Variants in MGAT4C observed in about 807,000 individuals in gnomAD.
MGAT4C encodes alpha-1,3-mannosyl-glycoprotein 4-beta-N-acetylglucosaminyltransferase C.
A neutral mutation model predicts 40.1 loss-of-function variants in MGAT4C; 19 were observed. The observed-to-expected ratio is 0.47, with a 90% confidence interval of 0.33 to 0.70. The LOEUF is 0.70. Ranked by LOEUF, MGAT4C falls within the 30% of genes least tolerant of loss-of-function variation. MGAT4C has a pLI of 0.02. For synonymous variants in MGAT4C, 181 were observed against 187.1 expected, an observed-to-expected ratio of 0.97 and a Z score of 0.27; for missense variants, 491 against 563.2, an observed-to-expected ratio of 0.87 and a Z score of 1.30.
At chr12:86,250,135 T>C (rs1165778461) in intron 1 of MGAT4C, among the ~76,000 whole-genome samples, 2 of 152,142 alleles carry the variant, frequency 1.3e-5, no homozygotes, top group African/African-American at 2.4e-5. Flanking sequence ...GTGGAATGAA[T>C]AGATTTTTAG....
intron 4 of MGAT4C, among the ~76,000 whole-genome samples, chr12:85,981,438 A>G (rs1002246522): frequency 6.6e-6 from 1 of 152,160 alleles, no homozygotes; most frequent in Non-Finnish European, 1.5e-5. Context: ...TGATATTGAA[A>G]AAAGCCCCAT....
chr12:86,270,618 C>T (rs943422884), intron 4 of MGAT4C, among the ~76,000 whole-genome samples: 2 of 152,074 alleles, frequency 1.3e-5, no homozygotes, highest in Non-Finnish European at 2.9e-5. Flanking sequence ...AGATTCAATG[C>T]AATCCCCATC....
At chr12:86,473,598 C>G (rs917281971) in intron 2 of MGAT4C, among the ~76,000 whole-genome samples, 2 of 152,064 alleles carry the variant, frequency 1.3e-5, no homozygotes, top group Non-Finnish European at 2.9e-5. Flanking sequence ...CCTTCAAGAG[C>G]CTTGAGAAAC....
At chr12:86,155,005 T>A (rs1366329803) in intron 1 of MGAT4C, among the ~76,000 whole-genome samples, 1 of 152,084 alleles carries the variant, frequency 6.6e-6, no homozygotes, top group Non-Finnish European at 1.5e-5. Context: ...TAGAGAGTAA[T>A]GAGAGAGTGA....
chr12:86,507,648 C>A (rs1414795055), intron 2 of MGAT4C, among the ~76,000 whole-genome samples: 1 of 152,152 alleles, frequency 6.6e-6, no homozygotes, highest in Admixed American at 6.6e-5. Flanking sequence ...AGCAAGAAAT[C>A]AGCTCACTTT....
chr12:86,626,152 A>C (rs559078107), intron 2 of MGAT4C, among the ~76,000 whole-genome samples: 6 of 152,202 alleles, frequency 3.9e-5, no homozygotes, highest in African/African-American at 1.4e-4. Flanking sequence ...CTTGCTGTGA[A>C]GAAGATTTGA....
chr12:86,059,921 A>G (rs573462199), intron 1 of MGAT4C, among the ~76,000 whole-genome samples: 1 of 152,348 alleles, frequency 6.6e-6, no homozygotes, highest in African/African-American at 2.4e-5. Context: ...GGAATAAGAG[A>G]CGAAGATCTT....
Position 85,975,245 on chromosome 12 carries a change from T to G in MGAT4C, c.*4044A>C, listed in dbSNP as rs1883885757. On this transcript the variant is annotated 3_prime_UTR_variant, in exon 5 of 5. Coordinates refer to ENST00000611864, the MANE Select transcript of MGAT4C (RefSeq NM_001351288.2). ...ATATGAAAAGGTAGGCTGAATAACA[T>G]TTTTAAAGGGCAGTAAATTTTATAA... The G allele has an allele frequency of 6.6e-6, 1 of 151,004 alleles. No homozygotes were observed. Among genetic ancestry groups the G allele is most frequent in the Non-Finnish European group, 1.5e-5 (1 of 67,152 alleles). The allele number at this position is 151,004 out of a possible 1,614,324, so 9.4% of individuals were successfully genotyped here. A position where few individuals can be genotyped will look rare whatever the true frequency, so the allele number is the denominator to read the frequency against.
intron 1 of MGAT4C, among the ~76,000 whole-genome samples, chr12:86,755,486 C>T (rs1274667951): frequency 6.6e-6 from 1 of 152,098 alleles, no homozygotes; most frequent in Non-Finnish European, 1.5e-5. Flanking sequence ...AACTGTGGCA[C>T]TCTAATTTTC....
chr12:86,164,597 C>T (rs1295940659), intron 1 of MGAT4C, among the ~76,000 whole-genome samples: 1 of 152,034 alleles, frequency 6.6e-6, no homozygotes, highest in African/African-American at 2.4e-5. Flanking sequence ...GTTTTATGAG[C>T]ACATGTTAGG....
chr12:86,531,605 T>A (rs997696870), intron 2 of MGAT4C, among the ~76,000 whole-genome samples: 7 of 151,952 alleles, frequency 4.6e-5, no homozygotes, highest in African/African-American at 1.7e-4. Context: ...TTGAAGCCAC[T>A]TTTTTTCAGA....
At chr12:86,371,056 T>C (rs987252150) in intron 3 of MGAT4C, among the ~76,000 whole-genome samples, 2 of 152,058 alleles carry the variant, frequency 1.3e-5, no homozygotes, top group African/African-American at 4.8e-5. Context: ...AAATTCATAC[T>C]GAGTCTTACA....
intron 2 of MGAT4C, among the ~76,000 whole-genome samples, chr12:86,002,890 T>A (rs185503267): frequency 4.6e-5 from 7 of 152,174 alleles, no homozygotes; most frequent in Admixed American, 3.9e-4. Context: ...AGCCTCGGAT[T>A]CCTGAGTTCA....
intron 2 of MGAT4C, among the ~76,000 whole-genome samples, chr12:86,035,910 G>T (rs1891195388): frequency 6.7e-6 from 1 of 149,648 alleles, no homozygotes; most frequent in South Asian, 2.1e-4. Flanking sequence ...TATTTCTAAG[G>T]CCTCTGTTCT....
intron 1 of MGAT4C, among the ~76,000 whole-genome samples, chr12:86,750,754 A>C (rs1951221046): frequency 6.6e-6 from 1 of 151,928 alleles, no homozygotes; most frequent in African/African-American, 2.4e-5. Flanking sequence ...GGACATCCTA[A>C]CCTAGGGATA....
chr12:86,434,642 A>G (rs983096299), intron 3 of MGAT4C, among the ~76,000 whole-genome samples: 4 of 151,992 alleles, frequency 2.6e-5, no homozygotes, highest in Non-Finnish European at 4.4e-5. Flanking sequence ...AGAAAACCAT[A>G]TTCAAATAAA....
intron 2 of MGAT4C, among the ~76,000 whole-genome samples, chr12:86,726,255 A>T (rs533965845): frequency 6.6e-5 from 10 of 152,346 alleles, no homozygotes; most frequent in African/African-American, 2.4e-4. Flanking sequence ...AAGTCACATG[A>T]ATACACATTA....
chr12:86,343,604 G>T (rs1223603563), intron 3 of MGAT4C, among the ~76,000 whole-genome samples: 1 of 152,086 alleles, frequency 6.6e-6, no homozygotes, highest in Non-Finnish European at 1.5e-5. Flanking sequence ...AAAAAATTGA[G>T]AAATGCATTG....
At chr12:86,397,187 G>A (rs1956277801) in intron 3 of MGAT4C, among the ~76,000 whole-genome samples, 1 of 152,060 alleles carries the variant, frequency 6.6e-6, no homozygotes, top group Non-Finnish European at 1.5e-5. Context: ...ATGGAGAGCA[G>A]AAAATGAGTT....
Sources: gnomAD v4.1 joint callset for allele counts (sites outside exome capture counted in the v4.1 genomes callset) on GRCh38, gnomAD v4.1.1 for gene constraint, MANE v1.5 for transcripts, NCBI Gene and HGNC (gene_info 2026-07-23, HGNC 2026-07-21) for gene names.